Variants in VMP1 observed in about 807,000 individuals in gnomAD.
VMP1 encodes ectopic P-granules autophagy protein 3 homolog.
Under a neutral mutation model 56.0 loss-of-function variants are expected in VMP1, and 11 were observed. That is an observed-to-expected ratio of 0.20 (90% CI 0.12 to 0.32). The LOEUF (loss-of-function observed/expected upper bound fraction) is 0.32. VMP1 is among the 10% of genes least tolerant of loss of function. The probability of loss-of-function intolerance (pLI) is 1.00; values close to 1 mark genes in which losing one functional copy is unlikely to be tolerated. For synonymous variants in VMP1, 149 were observed against 165.0 expected (o/e 0.90, Z 0.74); for missense variants, 296 against 490.3 (o/e 0.60, Z 3.74).
chr17:59,743,224 T>C (rs1367473256), intron 5 of VMP1, among the ~76,000 whole-genome samples: 1 of 152,172 alleles, frequency 6.6e-6, no homozygotes, highest in Admixed American at 6.5e-5. Flanking sequence ...TTTCACTGTC[T>C]TAAAAATGCC....
intron 10 of VMP1, among the ~76,000 whole-genome samples, chr17:59,837,212 AAAGTG>A (rs2039010979): frequency 6.6e-6 from 1 of 152,028 alleles, no homozygotes; most frequent in Non-Finnish European, 1.5e-5. Flanking sequence ...CAAAAAAAAA[AAAGTG>A]AAGTGAAGTG....
chr17:59,718,923 A>C (rs1598284819), intron 1 of VMP1, among the ~76,000 whole-genome samples: 1 of 152,122 alleles, frequency 6.6e-6, no homozygotes, highest in East Asian at 1.9e-4. Flanking sequence ...CAGAGTACAC[A>C]TTCTTTAACT....
chr17:59,811,874 T>G, intron 9 of VMP1, 88 bp downstream of exon 9: 1 of 966,762 alleles, frequency 1.0e-6, no homozygotes, highest in Non-Finnish European at 1.6e-6. Flanking sequence ...AATTATTTAG[T>G]TATTCTTTCT....
intron 7 of VMP1, among the ~76,000 whole-genome samples, chr17:59,797,484 A>G (rs1444071655): frequency 6.6e-6 from 1 of 152,382 alleles, no homozygotes; most frequent in East Asian, 1.9e-4. Context: ...CAAATTGATT[A>G]CTGCTACATG....
At chr17:59,740,107 A>C (rs188155056) in intron 5 of VMP1, among the ~76,000 whole-genome samples, 1 of 152,156 alleles carries the variant, frequency 6.6e-6, no homozygotes, top group East Asian at 1.9e-4. Flanking sequence ...AAAAAGAAAT[A>C]AGAGAGAATG....
chr17:59,748,541 A>G (rs1347457953), intron 5 of VMP1, among the ~76,000 whole-genome samples: 5 of 152,182 alleles, frequency 3.3e-5, no homozygotes, highest in African/African-American at 1.2e-4. Context: ...GAGTGATAAT[A>G]ATAGTACCCA....
chr17:59,727,836 A>G (rs965092587), intron 1 of VMP1, among the ~76,000 whole-genome samples: 6 of 152,226 alleles, frequency 3.9e-5, no homozygotes, highest in East Asian at 1.9e-4. Context: ...CTACACATCA[A>G]TCATTTGAAA....
At chr17:59,812,323 G>T (rs1210951861) in intron 9 of VMP1, among the ~76,000 whole-genome samples, 5 of 152,102 alleles carry the variant, frequency 3.3e-5, no homozygotes, top group Non-Finnish European at 7.4e-5. Context: ...GGAAGAAGAG[G>T]GTCTCTGAAG....
chr17:59,713,464 C>T (rs957829695), intron 1 of VMP1, among the ~76,000 whole-genome samples: 2 of 151,740 alleles, frequency 1.3e-5, no homozygotes, highest in African/African-American at 4.8e-5. Flanking sequence ...AGGTCAAAAC[C>T]AGAAATACAA....
intron 7 of VMP1, among the ~76,000 whole-genome samples, chr17:59,803,253 G>A (rs1469821293): frequency 2.0e-5 from 3 of 152,170 alleles, no homozygotes; most frequent in Non-Finnish European, 4.4e-5. Context: ...AAAAAGAAAT[G>A]TGAAGCAACA....
At position 59,799,843 on chromosome 17, in the gene VMP1, G is replaced by A. The variant is rs185892921; in HGVS notation, c.715-8953G>A. Among the ~76,000 whole-genome samples the A allele has an allele frequency of 3.9e-3, 585 of 151,248 alleles. 4 individuals carry two copies. The highest frequency in any genetic ancestry group is 0.014 in the African/African-American group (561 of 41,142). ...CCAGGTGTGGTGGCAGGCCCCTGTA[G>A]TCCCAGCTACTCGGGAGGCTGAGGC... On this transcript the variant is annotated intron_variant, in intron 7 of 11. Coordinates refer to ENST00000262291, the MANE Select transcript of VMP1 (RefSeq NM_030938.5).
At chr17:59,759,149 G>T (rs773913391) in intron 5 of VMP1, among the ~76,000 whole-genome samples, 1 of 152,134 alleles carries the variant, frequency 6.6e-6, no homozygotes, top group African/African-American at 2.4e-5. Context: ...CCAGTTGGGT[G>T]GATCACCTGA....
chr17:59,817,445 G>C (rs2038283711), intron 9 of VMP1, among the ~76,000 whole-genome samples: 1 of 151,434 alleles, frequency 6.6e-6, no homozygotes, highest in Non-Finnish European at 1.5e-5. Flanking sequence ...TCCGCCTCCT[G>C]GGTTCAAGCA....
chr17:59,751,609 G>GT (rs958470633), intron 5 of VMP1, among the ~76,000 whole-genome samples: 26 of 148,872 alleles, frequency 1.7e-4, no homozygotes, highest in African/African-American at 6.0e-4. Flanking sequence ...GGGCGTGGTG[G>GT]GGGGGGCGCC....
At chr17:59,725,525 T>TAAAA (rs2034567149) in intron 1 of VMP1, among the ~76,000 whole-genome samples, 1 of 146,264 alleles carries the variant, frequency 6.8e-6, no homozygotes, top group African/African-American at 2.6e-5. Flanking sequence ...GGGATGGTTT[T>TAAAA]AAATCATGCT....
intron 10 of VMP1, among the ~76,000 whole-genome samples, chr17:59,823,390 G>A (rs961564059): frequency 2.0e-5 from 3 of 150,438 alleles, no homozygotes; most frequent in African/African-American, 7.3e-5. Context: ...GGCGGAGGTT[G>A]CAGTGAGCCG....
At chr17:59,718,809 A>G (rs1288216635) in intron 1 of VMP1, among the ~76,000 whole-genome samples, 1 of 152,058 alleles carries the variant, frequency 6.6e-6, no homozygotes, top group Non-Finnish European at 1.5e-5. Context: ...TAGGGTTATT[A>G]CAGGTGTGAG....
At chr17:59,763,859 G>A (rs191416026) in intron 5 of VMP1, among the ~76,000 whole-genome samples, 6 of 152,212 alleles carry the variant, frequency 3.9e-5, no homozygotes, top group Non-Finnish European at 8.8e-5. Flanking sequence ...ATAAAATCTC[G>A]TGTATATATA....
chr17:59,721,461 T>C (rs942329618), intron 1 of VMP1, among the ~76,000 whole-genome samples: 6 of 152,252 alleles, frequency 3.9e-5, no homozygotes, highest in African/African-American at 1.4e-4. Flanking sequence ...AGTTTTCCTT[T>C]TTCCCTATAA....
Sources: allele counts gnomAD v4.1 joint callset (sites outside exome capture counted in the v4.1 genomes callset), GRCh38; gene constraint gnomAD v4.1.1; transcripts MANE v1.5; gene names NCBI Gene and HGNC (gene_info 2026-07-23, HGNC 2026-07-21).